The following NALF1 variants were observed in gnomAD, a reference collection of about 807,000 sequenced individuals.
NALF1 encodes the protein family with sequence similarity 155 member A.
A neutral mutation model predicts 48.4 loss-of-function variants in NALF1; 3 were observed. The ratio of observed to expected loss-of-function variants is 0.06; its 90% CI spans 0.03 to 0.16. NALF1 has a LOEUF of 0.16. NALF1 is among the 10% of genes least tolerant of loss of function. The probability of loss-of-function intolerance (pLI) is 1.00; values close to 1 mark genes in which losing one functional copy is unlikely to be tolerated. For missense variants in NALF1, 526 were observed against 571.5 expected, an observed-to-expected ratio of 0.92 and a Z score of 0.81; for synonymous variants, 262 against 245.7, an observed-to-expected ratio of 1.07 and a Z score of -0.62.
At chr13:107,748,836 G>A (rs1454582106) in intron 1 of NALF1, among the ~76,000 whole-genome samples, 1 of 152,128 alleles carries the variant, frequency 6.6e-6, no homozygotes, top group African/African-American at 2.4e-5. Flanking sequence ...CTGAAAATGG[G>A]AGACAGAATG....
chr13:107,481,765 G>T (rs557886323), intron 1 of NALF1, among the ~76,000 whole-genome samples: 1 of 152,130 alleles, frequency 6.6e-6, no homozygotes, highest in South Asian at 2.1e-4. Context: ...ACACTTCTTG[G>T]AAAAGGTGAT....
intron 1 of NALF1, among the ~76,000 whole-genome samples, chr13:107,372,459 C>A (rs1883264628): frequency 1.3e-5 from 2 of 152,226 alleles, no homozygotes; most frequent in Non-Finnish European, 2.9e-5. Context: ...TAGTCCACAA[C>A]TATTCACAGT....
At chr13:107,631,515 C>A (rs1003602903) in intron 1 of NALF1, among the ~76,000 whole-genome samples, 1 of 152,034 alleles carries the variant, frequency 6.6e-6, no homozygotes, top group African/African-American at 2.4e-5. Context: ...ATTTGGTAAA[C>A]ATAGCAGAAA....
At chr13:107,696,190 C>A (rs1310652287) in intron 1 of NALF1, among the ~76,000 whole-genome samples, 1 of 152,188 alleles carries the variant, frequency 6.6e-6, no homozygotes. Flanking sequence ...AGCCACTGCA[C>A]CTGGCCTATA....
intron 1 of NALF1, among the ~76,000 whole-genome samples, chr13:107,246,935 G>A (rs1880598057): frequency 6.6e-6 from 1 of 152,098 alleles, no homozygotes; most frequent in South Asian, 2.1e-4. Flanking sequence ...TGGGTCACAC[G>A]TTAACAATGG....
At chr13:107,520,933 G>A (rs147863690) in intron 1 of NALF1, among the ~76,000 whole-genome samples, 169 of 152,140 alleles carry the variant, frequency 1.1e-3, no homozygotes, top group African/African-American at 3.8e-3. Flanking sequence ...AAATCTCCAC[G>A]GGATAAGGCT....
chr13:107,264,732 C>T (rs1161327838), intron 1 of NALF1, among the ~76,000 whole-genome samples: 2 of 152,094 alleles, frequency 1.3e-5, no homozygotes, highest in African/African-American at 2.4e-5. Context: ...CAGGTTTTTG[C>T]CTTTATCATT....
chr13:107,612,427 G>A (rs995768135), intron 1 of NALF1, among the ~76,000 whole-genome samples: 2 of 151,908 alleles, frequency 1.3e-5, no homozygotes, highest in African/African-American at 2.4e-5. Context: ...TTTATACGTC[G>A]GCTTGCCTGG....
chr13:107,638,955 C>G (rs1230158937), intron 1 of NALF1, among the ~76,000 whole-genome samples: 3 of 152,172 alleles, frequency 2.0e-5, no homozygotes, highest in Admixed American at 6.5e-5. Context: ...TGGCTGACGT[C>G]TGGCTTCCCT....
chr13:107,220,573 C>T (rs1379962660), intron 1 of NALF1, among the ~76,000 whole-genome samples: 1 of 152,132 alleles, frequency 6.6e-6, no homozygotes, highest in African/African-American at 2.4e-5. Context: ...CACTGAGAGC[C>T]AACTTTGGAG....
At chr13:107,570,572 A>ATTTATTTAT (rs1555309595) in intron 1 of NALF1, among the ~76,000 whole-genome samples, 5 of 146,558 alleles carry the variant, frequency 3.4e-5, no homozygotes, top group East Asian at 3.9e-4. Context: ...TTATTTATTT[A>ATTTATTTAT]TTTATTTTAT....
At chr13:107,517,256 A>G (rs947364302) in intron 1 of NALF1, among the ~76,000 whole-genome samples, 52 of 152,148 alleles carry the variant, frequency 3.4e-4, no homozygotes, top group Non-Finnish European at 6.3e-4. Context: ...AAACTAAAAG[A>G]AAAGAAAAAA....
intron 1 of NALF1, among the ~76,000 whole-genome samples, chr13:107,369,908 C>T (rs558921221): frequency 1.3e-5 from 2 of 152,208 alleles, no homozygotes; most frequent in South Asian, 2.1e-4. Flanking sequence ...ATGTCTAATT[C>T]GTTCATTTCC....
At chr13:107,565,648 A>G (rs1877790703) in intron 1 of NALF1, among the ~76,000 whole-genome samples, 1 of 152,092 alleles carries the variant, frequency 6.6e-6, no homozygotes, top group Non-Finnish European at 1.5e-5. Flanking sequence ...GTAGGTTTCA[A>G]TTTCCCCATC....
At chr13:107,176,316 GTTTTTTT>G (rs5806633) in intron 2 of NALF1, among the ~76,000 whole-genome samples, 4 of 123,606 alleles carry the variant, frequency 3.2e-5, no homozygotes, top group Non-Finnish European at 5.0e-5. Flanking sequence ...CAACCTCACA[GTTTTTTT>G]TTTTTTTTTT....
intron 1 of NALF1, among the ~76,000 whole-genome samples, chr13:107,269,227 C>A (rs1299631790): frequency 6.6e-6 from 1 of 151,516 alleles, no homozygotes; most frequent in Non-Finnish European, 1.5e-5. Flanking sequence ...GAGTACAGTA[C>A]TTTAGTAGCT....
chr13:107,374,746 A>G (rs1427662990), intron 1 of NALF1, among the ~76,000 whole-genome samples: 1 of 152,074 alleles, frequency 6.6e-6, no homozygotes, highest in Admixed American at 6.6e-5. Context: ...GATTAATGTC[A>G]TTATCATGGA....
At chr13:107,444,917 A>T (rs962801855) in intron 1 of NALF1, among the ~76,000 whole-genome samples, 1 of 152,198 alleles carries the variant, frequency 6.6e-6, no homozygotes, top group Non-Finnish European at 1.5e-5. Context: ...CAGTTGCAGA[A>T]ATTTTTTTTA....
intron 1 of NALF1, among the ~76,000 whole-genome samples, chr13:107,802,121 A>G (rs1878635255): frequency 6.6e-6 from 1 of 152,212 alleles, no homozygotes; most frequent in Non-Finnish European, 1.5e-5. Flanking sequence ...TCTCTGATAA[A>G]CAGAAGACAT....
Sources: gnomAD v4.1 joint callset for allele counts (sites outside exome capture counted in the v4.1 genomes callset) on GRCh38, gnomAD v4.1.1 for gene constraint, MANE v1.5 for transcripts, NCBI Gene and HGNC (gene_info 2026-07-23, HGNC 2026-07-21) for gene names.